The following SNTG1 variants were observed in gnomAD, a reference collection of about 807,000 sequenced individuals.
The protein encoded by SNTG1 is syntrophin gamma 1.
SNTG1 carries 39 observed loss-of-function variants against 74.7 expected under a neutral mutation model. The observed-to-expected ratio is 0.52, with a 90% confidence interval of 0.40 to 0.68. SNTG1 has a LOEUF of 0.68. Among genes scored for constraint, SNTG1 ranks in the 30% least tolerant of loss-of-function variants. The probability of loss-of-function intolerance (pLI) is 0.00; values close to 1 mark genes in which losing one functional copy is unlikely to be tolerated. For synonymous variants in SNTG1, 254 were observed against 217.1 expected, an observed-to-expected ratio of 1.17 and a Z score of -1.49; for missense variants, 685 against 609.5, an observed-to-expected ratio of 1.12 and a Z score of -1.30.
chr8:50,087,653 T>C (rs1290769949), intron 1 of SNTG1, among the ~76,000 whole-genome samples: 2 of 152,196 alleles, frequency 1.3e-5, no homozygotes. Flanking sequence ...TTAATAACTT[T>C]CCTTATTTCA....
At chr8:50,534,441 G>C (rs1381859114) in intron 10 of SNTG1, among the ~76,000 whole-genome samples, 1 of 152,086 alleles carries the variant, frequency 6.6e-6, no homozygotes, top group African/African-American at 2.4e-5. Flanking sequence ...CAGTATTATT[G>C]CTTCTTCATG....
intron 8 of SNTG1, among the ~76,000 whole-genome samples, chr8:50,461,034 A>T (rs561430308): frequency 1.3e-5 from 2 of 152,150 alleles, no homozygotes; most frequent in East Asian, 3.9e-4. Context: ...ATCAGAATAC[A>T]CATTGCATTT....
At chr8:50,472,127 A>C (rs563315586) in intron 8 of SNTG1, among the ~76,000 whole-genome samples, 7 of 152,326 alleles carry the variant, frequency 4.6e-5, no homozygotes, top group Non-Finnish European at 7.3e-5. Context: ...TACCCATTGT[A>C]ATTTACAGAG....
intron 2 of SNTG1, among the ~76,000 whole-genome samples, chr8:50,360,325 G>A (rs2091923606): frequency 6.6e-6 from 1 of 152,144 alleles, no homozygotes; most frequent in Non-Finnish European, 1.5e-5. Flanking sequence ...AGCATGTATT[G>A]ATAATCCAGT....
chr8:50,217,137 A>ACAT (rs965121476), intron 2 of SNTG1, among the ~76,000 whole-genome samples: 1 of 152,060 alleles, frequency 6.6e-6, no homozygotes, highest in African/African-American at 2.4e-5. Flanking sequence ...CTTAGTGTAG[A>ACAT]CATATTAATT....
intron 1 of SNTG1, among the ~76,000 whole-genome samples, chr8:50,156,502 T>C (rs2082259404): frequency 1.3e-5 from 2 of 152,026 alleles, no homozygotes. Context: ...TATGCACTGA[T>C]CAATATATGG....
At chr8:50,539,538 C>G (rs2094331510) in intron 11 of SNTG1, among the ~76,000 whole-genome samples, 1 of 152,174 alleles carries the variant, frequency 6.6e-6, no homozygotes, top group Admixed American at 6.5e-5. Flanking sequence ...CTAGCTCCAC[C>G]TCCCACCACC....
intron 2 of SNTG1, among the ~76,000 whole-genome samples, chr8:50,249,567 G>T (rs2086556250): frequency 6.6e-6 from 1 of 152,190 alleles, no homozygotes; most frequent in African/African-American, 2.4e-5. Context: ...CAGTGACCCT[G>T]ACAATTCAGA....
intron 2 of SNTG1, among the ~76,000 whole-genome samples, chr8:50,313,212 C>A (rs1201416804): frequency 6.7e-6 from 1 of 149,560 alleles, no homozygotes; most frequent in East Asian, 2.0e-4. Context: ...TAAAATAATT[C>A]AAAGAAAAAC....
intron 1 of SNTG1, among the ~76,000 whole-genome samples, chr8:50,117,987 C>T (rs934113016): frequency 6.6e-6 from 1 of 152,136 alleles, no homozygotes; most frequent in Non-Finnish European, 1.5e-5. Context: ...GGGAAAGATG[C>T]TGACCACTGC....
At chr8:50,040,644 A>T (rs1345809811) in intron 1 of SNTG1, among the ~76,000 whole-genome samples, 1 of 152,212 alleles carries the variant, frequency 6.6e-6, no homozygotes, top group African/African-American at 2.4e-5. Flanking sequence ...AAAGGGAAGG[A>T]GATGCTTATA....
intron 18 of SNTG1, among the ~76,000 whole-genome samples, chr8:50,780,183 G>T (rs779138822): frequency 2.6e-5 from 4 of 152,150 alleles, no homozygotes; most frequent in Non-Finnish European, 5.9e-5. Context: ...TTATGTCTCT[G>T]CCTGGCTTTG....
intron 15 of SNTG1, among the ~76,000 whole-genome samples, chr8:50,668,549 T>C (rs981072721): frequency 1.3e-5 from 2 of 150,654 alleles, no homozygotes; most frequent in African/African-American, 4.9e-5. Context: ...TGCTTTAAGT[T>C]CTGGGATACA....
intron 12 of SNTG1, among the ~76,000 whole-genome samples, chr8:50,564,366 A>C (rs1353891838): frequency 6.6e-6 from 1 of 152,168 alleles, no homozygotes; most frequent in Non-Finnish European, 1.5e-5. Flanking sequence ...AGAAAACAAC[A>C]ACCTTACATT....
At chr8:50,529,116 A>C (rs1395425949) in intron 9 of SNTG1, among the ~76,000 whole-genome samples, 1 of 151,944 alleles carries the variant, frequency 6.6e-6, no homozygotes, top group Non-Finnish European at 1.5e-5. Flanking sequence ...TCAGTTCAAA[A>C]TGTATATGCT....
intron 1 of SNTG1, among the ~76,000 whole-genome samples, chr8:50,118,538 A>G (rs1013625688): frequency 8.3e-5 from 8 of 96,766 alleles, no homozygotes; most frequent in Admixed American, 5.5e-4. Context: ...GATGTTAGTT[A>G]TTGACTCTGG....
intron 1 of SNTG1, among the ~76,000 whole-genome samples, chr8:49,912,730 C>T (rs552500510): frequency 6.6e-6 from 1 of 152,270 alleles, no homozygotes; most frequent in East Asian, 1.9e-4. Flanking sequence ...TGCCAACCTC[C>T]AAGTATACCT....
chr8:50,661,126 T>C (rs1263921481), intron 15 of SNTG1, among the ~76,000 whole-genome samples: 1 of 152,172 alleles, frequency 6.6e-6, no homozygotes, highest in Non-Finnish European at 1.5e-5. Flanking sequence ...TCAGCACTTG[T>C]TATGTGGCTG....
At chr8:50,357,744 G>A (rs1344053309) in intron 2 of SNTG1, among the ~76,000 whole-genome samples, 2 of 152,150 alleles carry the variant, frequency 1.3e-5, no homozygotes, top group African/African-American at 2.4e-5. Flanking sequence ...TAACTGCTTA[G>A]TGGTGTGCCT....
Sources: gnomAD v4.1 joint callset for allele counts (sites outside exome capture counted in the v4.1 genomes callset) on GRCh38, gnomAD v4.1.1 for gene constraint, MANE v1.5 for transcripts, NCBI Gene and HGNC (gene_info 2026-07-23, HGNC 2026-07-21) for gene names.